FSHR: variants seen among roughly 807,000 people sequenced by gnomAD.
FSHR encodes follicle stimulating hormone receptor.
Under a neutral mutation model 52.1 loss-of-function variants are expected in FSHR, and 46 were observed. The ratio of observed to expected loss-of-function variants is 0.88; its 90% confidence interval spans 0.70 to 1.13. The LOEUF is 1.13. FSHR is among the 50% of genes most tolerant of loss of function. The probability of loss-of-function intolerance (pLI) is 0.00; values close to 1 mark genes in which losing one functional copy is unlikely to be tolerated. For synonymous variants in FSHR, 399 were observed against 309.6 expected (o/e 1.29, Z -3.03); for missense variants, 964 against 834.6 (o/e 1.16, Z -1.91).
chr2:49,075,946 T>G (rs775499464), intron 1 of FSHR, among the ~76,000 whole-genome samples: 1 of 152,296 alleles, frequency 6.6e-6, no homozygotes, highest in Admixed American at 6.5e-5. Context: ...AGACTAACAG[T>G]AGATTTGAAA....
intron 4 of FSHR, among the ~76,000 whole-genome samples, chr2:48,998,093 A>G (rs1408652949): frequency 6.6e-6 from 1 of 152,136 alleles, no homozygotes; most frequent in Non-Finnish European, 1.5e-5. Flanking sequence ...AAGGAAAACT[A>G]CTACCTAGAG....
At chr2:49,061,465 G>C (rs1669285188) in intron 2 of FSHR, among the ~76,000 whole-genome samples, 1 of 149,272 alleles carries the variant, frequency 6.7e-6, no homozygotes, top group South Asian at 2.1e-4. Flanking sequence ...GACAAAAAGG[G>C]ACATTATATA....
chr2:49,082,926 A>T (rs111934068), intron 1 of FSHR, among the ~76,000 whole-genome samples: 29,037 of 151,170 alleles, frequency 0.19, 2,983 homozygotes, highest in East Asian at 0.28. Context: ...ACTCTGCAGG[A>T]TATTATCCAG....
intron 9 of FSHR, among the ~76,000 whole-genome samples, chr2:48,966,998 T>C (rs1674503711): frequency 6.6e-6 from 1 of 152,166 alleles, no homozygotes; most frequent in Admixed American, 6.5e-5. Context: ...AGGCTATGTC[T>C]AGAGGAGTCT....
At chr2:49,003,786 C>A (rs1440192419) in intron 4 of FSHR, among the ~76,000 whole-genome samples, 2 of 150,730 alleles carry the variant, frequency 1.3e-5, no homozygotes, top group East Asian at 3.9e-4. Flanking sequence ...CCCACCCCCA[C>A]CCCTTGGAGT....
intron 1 of FSHR, among the ~76,000 whole-genome samples, chr2:49,127,804 T>TC (rs1672079919): frequency 1.7e-5 from 1 of 60,138 alleles, no homozygotes; most frequent in African/African-American, 7.1e-5. Flanking sequence ...TTCTTCTTCT[T>TC]CTTCTTCTTC....
At chr2:49,054,695 G>T (rs1365811539) in intron 2 of FSHR, among the ~76,000 whole-genome samples, 1 of 152,160 alleles carries the variant, frequency 6.6e-6, no homozygotes, top group Non-Finnish European at 1.5e-5. Flanking sequence ...AGTCTAGCAA[G>T]CCCACCCCTA....
In FSHR at chr2:49,073,282, G is replaced by C. The variant is rs1669817855; in HGVS notation, c.153-4992C>G. Among the ~76,000 whole-genome samples, 2 of 152,058 alleles carry C rather than the reference G, an allele frequency of 1.3e-5. 1 individual carries two copies. The highest frequency in any genetic ancestry group is 4.1e-4 in the South Asian group (2 of 4,832). On this transcript the variant is annotated intron_variant, in intron 1 of 9. Coordinates refer to ENST00000406846, the MANE Select transcript of FSHR (RefSeq NM_000145.4). ...GGAAGGCAAATTGTTCCTACTTGCAGATTACATGATCTTATATACAGAAGA... is the reference window on the plus strand; with the variant it reads ...GGAAGGCAAATTGTTCCTACTTGCACATTACATGATCTTATATACAGAAGA...
Position 49,024,239 on chromosome 2 carries a change from G to A in FSHR, c.225-4079C>T, listed in dbSNP as rs190072919. 1.5e-4 allele frequency among the ~76,000 whole-genome samples: 23 copies of A among 151,930 alleles called. No individual in the cohort carries two copies. The East Asian group carries it at 3.1e-3, about 20-fold the overall frequency. On this transcript the variant is annotated intron_variant, in intron 2 of 9. Transcript: ENST00000406846. ...GTATACCTATGTAATAAACTTGCAC[G>A]TTCTGCACATCATGTATCCCAGAAT...
At chr2:49,122,241 AC>A in intron 1 of FSHR, among the ~76,000 whole-genome samples, 1 of 152,274 alleles carries the variant, frequency 6.6e-6, no homozygotes. Context: ...AGACTGACAG[AC>A]CTACACGGGC....
intron 1 of FSHR, among the ~76,000 whole-genome samples, chr2:49,128,474 A>G (rs1307877331): frequency 6.7e-6 from 1 of 148,426 alleles, no homozygotes; most frequent in Non-Finnish European, 1.5e-5. Flanking sequence ...CCTAAACCTT[A>G]CAGTGAGCTG....
intron 2 of FSHR, among the ~76,000 whole-genome samples, chr2:49,034,015 A>G (rs1435936036): frequency 1.3e-5 from 2 of 152,198 alleles, no homozygotes; most frequent in Non-Finnish European, 2.9e-5. Flanking sequence ...TAGTGGCTGA[A>G]TTGTAGACGT....
At chr2:48,982,259 A>C (rs1395371820) in intron 8 of FSHR, among the ~76,000 whole-genome samples, 1 of 152,178 alleles carries the variant, frequency 6.6e-6, no homozygotes, top group Non-Finnish European at 1.5e-5. Flanking sequence ...GTAGGTAAGA[A>C]GAGAAGATGG....
chr2:49,055,108 G>C (rs530813985), intron 2 of FSHR, among the ~76,000 whole-genome samples: 46 of 152,004 alleles, frequency 3.0e-4, no homozygotes, highest in African/African-American at 1.1e-3. Context: ...TGAGATACAA[G>C]AGAATACAGA....
At chr2:49,053,136 T>C (rs1325937313) in intron 2 of FSHR, among the ~76,000 whole-genome samples, 1 of 152,210 alleles carries the variant, frequency 6.6e-6, no homozygotes, top group African/African-American at 2.4e-5. Flanking sequence ...TTTGTCCTTA[T>C]GTTATCATGA....
Position 48,968,730 on chromosome 2 carries a change from A to G in FSHR, c.822T>C (p.His274=), listed in dbSNP as rs768412207. The G allele has an allele frequency of 1.2e-6, 2 of 1,614,130 alleles. No individual in the cohort carries two copies. Among genetic ancestry groups the G allele is most frequent in the East Asian group, 2.2e-5 (1 of 44,880 alleles). Reference sequence around the variant, plus strand: ...GTCTCCAGTTTGCAAAGGCACAGCAATGGCTGGGATAGGTGAGGCTGGCTT... The same window carrying G: ...GTCTCCAGTTTGCAAAGGCACAGCAGTGGCTGGGATAGGTGAGGCTGGCTT... ...LMEASLTYPS[H]CCAFANWRRQ... The change falls in exon 9 of 10, where the codon CAT becomes CAC. Residue 274 remains histidine, a synonymous_variant. Transcript: ENST00000406846.
At chr2:49,150,639 C>G (rs1225729147) in intron 1 of FSHR, among the ~76,000 whole-genome samples, 1 of 151,960 alleles carries the variant, frequency 6.6e-6, no homozygotes, top group African/African-American at 2.4e-5. Flanking sequence ...GGTTTAAACT[C>G]AGGTCTCTCA....
chr2:49,120,723 C>T (rs1247970188), intron 1 of FSHR, among the ~76,000 whole-genome samples: 1 of 152,144 alleles, frequency 6.6e-6, no homozygotes, highest in Non-Finnish European at 1.5e-5. Context: ...CCTCTCTGGC[C>T]TCACTCTCTT....
At position 49,109,916 on chromosome 2, in the gene FSHR, T is replaced by C. The variant is rs562988172; in HGVS notation, c.153-41626A>G. ...AAATCTGTTTTGATGGGACTAGAGA[T>C]AAAGAGTAAGAAAAATGCCATCCAG... is the stretch of plus-strand genomic sequence containing the variant. On this transcript the variant is annotated intron_variant, in intron 1 of 9. Coordinates refer to ENST00000406846, the MANE Select transcript of FSHR (RefSeq NM_000145.4). 1.8e-4 allele frequency among the ~76,000 whole-genome samples: 28 copies of C among 152,188 alleles called. 1 individual carries two copies. Among genetic ancestry groups the C allele is most frequent in the Non-Finnish European group, 3.1e-4 (21 of 67,966 alleles).
Sources: gnomAD v4.1 joint callset for allele counts (sites outside exome capture counted in the v4.1 genomes callset) on GRCh38, gnomAD v4.1.1 for gene constraint, MANE v1.5 for transcripts, NCBI Gene and HGNC (gene_info 2026-07-23, HGNC 2026-07-21) for gene names.